Variants in RGS22 observed in about 807,000 individuals in gnomAD.
RGS22 encodes the protein regulator of G protein signaling 22.
RGS22 carries 148 observed loss-of-function variants against 172.9 expected under a neutral mutation model. That is an observed-to-expected ratio of 0.86 (90% CI 0.75 to 0.98). The LOEUF is 0.98. Ranked by LOEUF, RGS22 falls within the 50% of genes least tolerant of loss-of-function variation. The pLI is 0.00. For missense variants in RGS22, 1,347 were observed against 1,440.8 expected (o/e 0.93, Z 1.05); for synonymous variants, 458 against 480.2 (o/e 0.95, Z 0.60).
chr8:100,093,867 T>G (rs1413731624), intron 2 of RGS22, among the ~76,000 whole-genome samples: 1 of 152,180 alleles, frequency 6.6e-6, no homozygotes, highest in Admixed American at 6.5e-5. Flanking sequence ...TTATTAAATA[T>G]ATACATATTT....
intron 14 of RGS22, among the ~76,000 whole-genome samples, chr8:100,015,473 C>T (rs1217789348): frequency 4.0e-5 from 6 of 151,856 alleles, no homozygotes; most frequent in East Asian, 1.9e-4. Context: ...TTGTATTTTT[C>T]GTAGAGACAG....
At chr8:100,078,057 A>G (rs1811483613) in intron 4 of RGS22, among the ~76,000 whole-genome samples, 1 of 152,106 alleles carries the variant, frequency 6.6e-6, no homozygotes, top group African/African-American at 2.4e-5. Flanking sequence ...CCTTTAATTC[A>G]TAATTGCATA....
At position 99,987,494 on chromosome 8, in the gene RGS22, AT is replaced by A; in HGVS notation, c.3143del (p.Asn1048MetfsTer51). ...GTACTTCTTGCCAAAAGAGTAAACC[AT>A]TTTCCAATAAATCTCCTTTTAGAGC... ...FVALKGDLLE[N>X]GLLFWQEVQK... On this transcript the variant is annotated frameshift_variant, in exon 21 of 28. Transcript: ENST00000360863. LOFTEE classifies it high-confidence loss of function. 6.2e-7 allele frequency: 1 copy of A among 1,611,616 alleles called. No homozygotes were observed. Among genetic ancestry groups the A allele is most frequent in the Non-Finnish European group, 8.5e-7 (1 of 1,178,690 alleles).
At chr8:100,032,887 G>T (rs1818993981) in intron 14 of RGS22, among the ~76,000 whole-genome samples, 1 of 152,116 alleles carries the variant, frequency 6.6e-6, no homozygotes, top group Non-Finnish European at 1.5e-5. Context: ...ACAACTACAT[G>T]GAAACGGAAC....
Position 99,960,936 on chromosome 8 carries a change from T to A in RGS22, c.*306A>T. The A allele has an allele frequency of 4.9e-6, 1 of 204,438 alleles. No individual in the cohort carries two copies. Among genetic ancestry groups the A allele is most frequent in the Non-Finnish European group, 1.0e-5 (1 of 100,230 alleles). 12.7% of individuals were successfully genotyped at this position (204,438 alleles called of 1,614,324 possible). A position where few individuals can be genotyped will look rare whatever the true frequency, so the allele number is the denominator to read the frequency against. Reference sequence around the variant, plus strand: ...CTTAATGACTGTGATAAGCAAAACATTTTGGTTCTTCAAACCTAGATAGTA... The same window carrying A: ...CTTAATGACTGTGATAAGCAAAACAATTTGGTTCTTCAAACCTAGATAGTA... On this transcript the variant is annotated 3_prime_UTR_variant, in exon 28 of 28. Transcript: ENST00000360863.
rs751411033 is a variant in RGS22, at chr8:99,984,977, G to A, written c.3180+2481C>T. ...GATATATCGTAATTTAGTAACCAAC[G>A]TCCTTGTTGTACAACTGGGTTCTTT... On this transcript the variant is annotated intron_variant, in intron 21 of 27. Transcript: ENST00000360863. 4.6e-5 allele frequency among the ~76,000 whole-genome samples: 7 copies of A among 152,076 alleles called. No individual in the cohort carries two copies. In the East Asian group the frequency reaches 7.7e-4, roughly 17 times the overall value.
chr8:99,970,247 AT>A (rs1263542019), intron 23 of RGS22, among the ~76,000 whole-genome samples: 1 of 152,226 alleles, frequency 6.6e-6, no homozygotes, highest in Non-Finnish European at 1.5e-5. Flanking sequence ...TAAGAGGGAA[AT>A]TTACAGCACT....
At chr8:100,004,371 C>T (rs1026555581) in intron 16 of RGS22, among the ~76,000 whole-genome samples, 1 of 151,904 alleles carries the variant, frequency 6.6e-6, no homozygotes, top group African/African-American at 2.4e-5. Context: ...AAATTATTAA[C>T]TTTGATATAT....
chr8:100,003,037 A>C (rs1181625902), intron 17 of RGS22: 1 of 157,228 alleles, frequency 6.4e-6, no homozygotes, highest in Non-Finnish European at 1.4e-5. Context: ...CCTGGGCGAC[A>C]GAGTGAGACC....
At chr8:100,093,015 T>C (rs570337308) in intron 3 of RGS22, 185 of 153,174 alleles carry the variant, frequency 1.2e-3, no homozygotes, top group Non-Finnish European at 2.3e-3. Context: ...GTCAAAAGTC[T>C]AACTGTTAGC....
chr8:100,001,454 G>A (rs1048804442), intron 18 of RGS22, among the ~76,000 whole-genome samples: 6 of 151,636 alleles, frequency 4.0e-5, no homozygotes, highest in South Asian at 2.1e-4. Context: ...GGCTGGTCTC[G>A]AACTCCTGAC....
At chr8:100,016,905 T>TA (rs1817030388) in intron 14 of RGS22, among the ~76,000 whole-genome samples, 1 of 146,752 alleles carries the variant, frequency 6.8e-6, no homozygotes, top group Non-Finnish European at 1.5e-5. Flanking sequence ...ACCTAAAACT[T>TA]AAAGTATAAT....
chr8:100,038,780 T>C (rs2131589755), intron 14 of RGS22, 151 bp downstream of exon 14: 1 of 427,908 alleles, frequency 2.3e-6, no homozygotes, highest in Non-Finnish European at 4.2e-6. Context: ...AAACAATATT[T>C]TGCTGATTTC....
chr8:100,101,537 C>T (rs747986677), intron 2 of RGS22, among the ~76,000 whole-genome samples: 11 of 150,660 alleles, frequency 7.3e-5, no homozygotes, highest in Non-Finnish European at 1.6e-4. Context: ...TCATGATCCG[C>T]CCACCTTGAC....
chr8:100,026,187 C>G (rs1818155857), intron 14 of RGS22, among the ~76,000 whole-genome samples: 1 of 152,164 alleles, frequency 6.6e-6, no homozygotes, highest in Non-Finnish European at 1.5e-5. Flanking sequence ...TAGACATACT[C>G]AGAGAACCTT....
At chr8:100,097,014 G>A (rs977206976) in intron 2 of RGS22, among the ~76,000 whole-genome samples, 1 of 152,120 alleles carries the variant, frequency 6.6e-6, no homozygotes, top group African/African-American at 2.4e-5. Flanking sequence ...TGGGAAAAAT[G>A]GCATTTGAAA....
chr8:99,987,605 C>CT lies in RGS22; in HGVS notation c.3032dup (p.Trp1012ValfsTer7), dbSNP rs1563578888. On this transcript the variant is annotated frameshift_variant, in exon 21 of 28. Transcript: ENST00000360863. LOFTEE classifies it high-confidence loss of function. ...TGATTTTACAAGATGAAGAGATCCACTTACTCTCCACAGGCTGTCCAAAGC... is the reference window on the plus strand; with the variant it reads ...TGATTTTACAAGATGAAGAGATCCACTTTACTCTCCACAGGCTGTCCAAAGC... 1 of 1,604,546 alleles carries CT rather than the reference C, an allele frequency of 6.2e-7. No homozygotes were observed. Among genetic ancestry groups the CT allele is most frequent in the South Asian group, 1.1e-5 (1 of 89,756 alleles).
chr8:99,996,419 GA>G, intron 20 of RGS22, 42 bp downstream of exon 20: 1 of 1,523,742 alleles, frequency 6.6e-7, no homozygotes, highest in Non-Finnish European at 9.1e-7. Flanking sequence ...TACTTTGACA[GA>G]GCAAAACTTA....
intron 3 of RGS22, among the ~76,000 whole-genome samples, chr8:100,081,926 T>C: frequency 6.8e-6 from 1 of 147,850 alleles, no homozygotes; most frequent in East Asian, 2.0e-4. Flanking sequence ...TTTTTTTTTT[T>C]TGCCTCCTAC....
Sources: gnomAD v4.1 joint callset for allele counts (sites outside exome capture counted in the v4.1 genomes callset) on GRCh38, gnomAD v4.1.1 for gene constraint, MANE v1.5 for transcripts, NCBI Gene and HGNC (gene_info 2026-07-23, HGNC 2026-07-21) for gene names.